Variants in NTAQ1 observed in about 807,000 individuals in gnomAD.
NTAQ1 encodes N-terminal glutamine amidase 1.
A neutral mutation model predicts 28.2 loss-of-function variants in NTAQ1; 21 were observed. The observed-to-expected ratio is 0.74, with a 90% CI of 0.53 to 1.07. The LOEUF is 1.07. NTAQ1 is among the 50% of genes least tolerant of loss of function. NTAQ1 has a pLI of 0.00. For synonymous variants in NTAQ1, 105 were observed against 90.0 expected (o/e 1.17, Z -0.94); for missense variants, 264 against 256.6 (o/e 1.03, Z -0.20).
intron 6 of NTAQ1, among the ~76,000 whole-genome samples, chr8:123,460,053 G>GC (rs1278658166): frequency 6.6e-6 from 1 of 151,906 alleles, no homozygotes; most frequent in South Asian, 2.1e-4. Flanking sequence ...GCCTGCCTCG[G>GC]CCCCCCAAAG....
chr8:123,427,904 A>C lies in NTAQ1; in HGVS notation c.84-20A>C. The C allele has an allele frequency of 6.5e-7, 1 of 1,546,924 alleles. No homozygotes were observed. Among genetic ancestry groups the C allele is most frequent in the Non-Finnish European group, 8.8e-7 (1 of 1,133,422 alleles). On this transcript the variant is annotated intron_variant, in intron 1 of 5. Coordinates refer to ENST00000287387, the MANE Select transcript of NTAQ1 (RefSeq NM_018024.3). ...CATAGAATGTTCTCTAATCTTGATT[A>C]AACAATTATTTTATTTCAGTGAAGA... is the stretch of plus-strand genomic sequence containing the variant.
chr8:123,472,471 T>G (rs1324701778), downstream of NTAQ1, among the ~76,000 whole-genome samples: 1 of 152,202 alleles, frequency 6.6e-6, no homozygotes, highest in Non-Finnish European at 1.5e-5. Context: ...CATCTGAAGT[T>G]GTCCAGGGAC....
intron 6 of NTAQ1, among the ~76,000 whole-genome samples, chr8:123,459,795 T>G (rs1408506382): frequency 2.1e-5 from 3 of 142,466 alleles, no homozygotes; most frequent in African/African-American, 7.7e-5. Context: ...CCAATATACA[T>G]CATTCTTTTT....
chr8:123,441,253 T>G, intron 5 of NTAQ1, 53 bp from the exon 6 acceptor site: 1 of 1,484,176 alleles, frequency 6.7e-7, no homozygotes, highest in African/African-American at 1.4e-5. Flanking sequence ...TTTATTGCTG[T>G]TAAACCAAAA....
chr8:123,448,575 C>T (rs536099514), downstream of NTAQ1, among the ~76,000 whole-genome samples: 31 of 152,306 alleles, frequency 2.0e-4, no homozygotes, highest in South Asian at 6.2e-3. Context: ...GCCAAGATTG[C>T]ACCACTGCAC....
downstream of NTAQ1, among the ~76,000 whole-genome samples, chr8:123,451,854 G>T (rs1391334279): frequency 6.6e-6 from 1 of 152,196 alleles, no homozygotes; most frequent in Non-Finnish European, 1.5e-5. Context: ...GAAAACTGCT[G>T]CTAAAGTCTT....
chr8:123,438,065 ATC>A, intron 5 of NTAQ1: 1 of 651,072 alleles, frequency 1.5e-6, no homozygotes, highest in Non-Finnish European at 2.8e-6. Flanking sequence ...ATATAATAAA[ATC>A]TGCATTAGAG....
At chr8:123,440,498 T>C (rs528937603) in intron 5 of NTAQ1, among the ~76,000 whole-genome samples, 21 of 127,526 alleles carry the variant, frequency 1.6e-4, no homozygotes, top group Non-Finnish European at 2.0e-4. Flanking sequence ...AGCGTTCCTT[T>C]CTTCTTTTTT....
At position 123,416,853 on chromosome 8, in the gene NTAQ1, G is replaced by T; in HGVS notation, c.4G>T (p.Glu2Ter). ...GCCCTGGCCCAGCTAGCCGGCCATG[G>T]AAGGTAATGGCCCCGCTGCTGTCCA... The part of the protein sequence containing the change: M[E>*]GNGPAAVHYQ... The change falls in exon 1 of 6, where the codon GAA becomes TAA. Residue 2 changes from glutamate (E) to a stop codon, truncating the protein, a stop_gained. Transcript: ENST00000287387. LOFTEE classifies it high-confidence loss of function. 1.3e-6 allele frequency: 2 copies of T among 1,529,020 alleles called. No individual in the cohort carries two copies. The highest frequency in any genetic ancestry group is 1.8e-6 in the Non-Finnish European group (2 of 1,138,822). 94.7% of individuals were successfully genotyped at this position (1,529,020 alleles called of 1,614,324 possible).
At chr8:123,458,099 G>GTT (rs34419855) in intron 6 of NTAQ1, among the ~76,000 whole-genome samples, 2 of 91,382 alleles carry the variant, frequency 2.2e-5, no homozygotes, top group African/African-American at 4.1e-5. Context: ...TCCCCTCACT[G>GTT]TTTTTTTTTT....
rs762479894 is a variant in NTAQ1, at chr8:123,419,081, GTTTTTTTTTTTT to G, written c.83+2173_83+2184del. Among the ~76,000 whole-genome samples the G allele has an allele frequency of 1.7e-3, 202 of 119,914 alleles. 22 individuals carry two copies. The highest frequency in any genetic ancestry group is 6.2e-3 in the African/African-American group (183 of 29,552). 78.7% of individuals were successfully genotyped at this position (119,914 alleles called of 152,430 possible). ...TACTTTGGCTCCTGCAGCTTTGGGGGTTTTTTTTTTTTTTTTTTTTTTTTTTTTTTTTTTTGA... is the reference window on the plus strand; with the variant it reads ...TACTTTGGCTCCTGCAGCTTTGGGGGTTTTTTTTTTTTTTTTTTTTTTTGA... On this transcript the variant is annotated intron_variant, in intron 1 of 5. Coordinates refer to ENST00000287387, the MANE Select transcript of NTAQ1 (RefSeq NM_018024.3).
At position 123,428,011 on chromosome 8, in the gene NTAQ1, TGAGAG is replaced by T; in HGVS notation, c.174_178del (p.Arg59AspfsTer37). ...AATGTTATGCTGTCTTCATATCTAA[TGAGAG>T]GAAGATGGTAAGTTGGTGAGTGATT... is the stretch of plus-strand genomic sequence containing the variant. On this transcript the variant is annotated frameshift_variant, in exon 2 of 6. Transcript: ENST00000287387. LOFTEE classifies it high-confidence loss of function. The T allele has an allele frequency of 6.2e-7, 1 of 1,603,914 alleles. No homozygotes were observed. The highest frequency in any genetic ancestry group is 8.5e-7 in the Non-Finnish European group (1 of 1,175,800).
At chr8:123,422,579 G>A (rs1177484988) in intron 1 of NTAQ1, among the ~76,000 whole-genome samples, 1 of 149,838 alleles carries the variant, frequency 6.7e-6, no homozygotes. Flanking sequence ...ATGCCTGGCT[G>A]TAGGTTGTCT....
intron 2 of NTAQ1, among the ~76,000 whole-genome samples, chr8:123,429,342 C>T (rs1178603319): frequency 6.6e-6 from 1 of 152,224 alleles, no homozygotes. Flanking sequence ...ATTTCTTCCT[C>T]TTCATTCATT....
At chr8:123,461,930 G>A (rs756081530) in intron 6 of NTAQ1, among the ~76,000 whole-genome samples, 3 of 152,092 alleles carry the variant, frequency 2.0e-5, no homozygotes, top group South Asian at 2.1e-4. Context: ...GGAGGCCCAC[G>A]GGTGAGCAGA....
chr8:123,430,504 G>T (rs905284257), intron 3 of NTAQ1, among the ~76,000 whole-genome samples: 1 of 152,198 alleles, frequency 6.6e-6, no homozygotes, highest in Non-Finnish European at 1.5e-5. Flanking sequence ...TAGGCCGGGC[G>T]CAGTGGCTCA....
chr8:123,472,163 G>A (rs1177254403), downstream of NTAQ1, among the ~76,000 whole-genome samples: 3 of 152,112 alleles, frequency 2.0e-5, no homozygotes, highest in Non-Finnish European at 2.9e-5. Flanking sequence ...AGTGGGGACA[G>A]AAAGGAAGGA....
exon 7 of NTAQ1, among the ~76,000 whole-genome samples, chr8:123,469,298 A>G (rs990585743): frequency 3.2e-4 from 48 of 152,308 alleles, no homozygotes; most frequent in African/African-American, 1.1e-3. Flanking sequence ...CATTGGAAAT[A>G]TGTTTTTTCA....
intron 1 of NTAQ1, among the ~76,000 whole-genome samples, chr8:123,419,517 G>A (rs938432152): frequency 2.6e-4 from 39 of 152,310 alleles, no homozygotes; most frequent in African/African-American, 9.1e-4. Context: ...AATAGTGGCA[G>A]CCAGTATTTG....
Sources: gnomAD v4.1 joint callset for allele counts (sites outside exome capture counted in the v4.1 genomes callset) on GRCh38, gnomAD v4.1.1 for gene constraint, MANE v1.5 for transcripts, NCBI Gene and HGNC (gene_info 2026-07-23, HGNC 2026-07-21) for gene names.